PGAM5: variants seen among roughly 807,000 people sequenced by gnomAD.
The protein encoded by PGAM5 is PGAM family member 5, mitochondrial serine/threonine protein phosphatase.
In PGAM5, 25 loss-of-function variants were observed where a neutral mutation model predicts 30.6. The observed-to-expected ratio is 0.82, with a 90% CI of 0.60 to 1.14. The LOEUF (loss-of-function observed/expected upper bound fraction) is 1.14. Among genes scored for constraint, PGAM5 ranks in the 50% most tolerant of loss-of-function variants. The pLI, the probability that PGAM5 is intolerant of heterozygous loss-of-function variation, is 0.00. For synonymous variants in PGAM5, 201 were observed against 179.1 expected (o/e 1.12, Z -0.98); for missense variants, 384 against 408.5 (o/e 0.94, Z 0.52).
intron 5 of PGAM5, among the ~76,000 whole-genome samples, chr12:132,720,408 C>T (rs989292176): frequency 1.3e-5 from 2 of 151,842 alleles, no homozygotes; most frequent in Non-Finnish European, 2.9e-5. Flanking sequence ...CCCGGGTTCA[C>T]GCCATTCTTC....
intron 1 of PGAM5, 44 bp from the exon 2 acceptor site, chr12:132,714,814 T>C: frequency 6.3e-7 from 1 of 1,592,814 alleles, no homozygotes; most frequent in Non-Finnish European, 8.6e-7. Flanking sequence ...AACTCAAACT[T>C]GGGAACAGAG....
chr12:132,715,062 T>C, intron 2 of PGAM5, 26 bp downstream of exon 2: 1 of 1,568,586 alleles, frequency 6.4e-7, no homozygotes, highest in Non-Finnish European at 8.6e-7. Flanking sequence ...AGATCCTCTG[T>C]GGACCCTCGT....
Position 132,722,651 on chromosome 12 carries a change from A to T in PGAM5, c.*1823A>T, listed in dbSNP as rs1009628949. 1 of 152,228 alleles carries T rather than the reference A, an allele frequency of 6.6e-6. No individual in the cohort carries two copies. The highest frequency in any genetic ancestry group is 6.5e-5 in the Admixed American group (1 of 15,278). The allele number at this position is 152,228 out of a possible 1,614,324, so 9.4% of individuals were successfully genotyped here. A position where few individuals can be genotyped will look rare whatever the true frequency, so the allele number is the denominator to read the frequency against. On this transcript the variant is annotated 3_prime_UTR_variant, in exon 6 of 6. Coordinates refer to ENST00000498926, the MANE Select transcript of PGAM5 (RefSeq NM_001170543.2). ...GTGGTTGTGACTATTTTCTGTAGTC[A>T]ATACAGTTGGGATATCTGATCTATT...
At position 132,717,523 on chromosome 12, in the gene PGAM5, G is replaced by A. The variant is rs1290192734; in HGVS notation, c.455G>A (p.Arg152His). The A allele has an allele frequency of 2.5e-6, 4 of 1,610,732 alleles. No homozygotes were observed. The highest frequency in any genetic ancestry group is 1.3e-5 in the African/African-American group (1 of 74,882). The change falls in exon 3 of 6, where the codon CGC becomes CAC. Residue 152 changes from arginine to histidine, a missense_variant. Coordinates refer to ENST00000498926, the MANE Select transcript of PGAM5 (RefSeq NM_001170543.2). ...AAAATCGTCCATTCGTCTATGACGC[G>A]CGCCATAGAGACCACCGATATCATC... ...FNKIVHSSMT[R>H]AIETTDIISR...
At chr12:132,717,379 G>A in intron 2 of PGAM5, 60 bp from the exon 3 acceptor site, 2 of 1,559,568 alleles carry the variant, frequency 1.3e-6, no homozygotes, top group South Asian at 1.1e-5. Context: ...CGGAGGAGGG[G>A]GTGTTTGAGG....
At chr12:132,719,690 A>ACGT (rs1362941626) in intron 5 of PGAM5, among the ~76,000 whole-genome samples, 1 of 152,218 alleles carries the variant, frequency 6.6e-6, no homozygotes, top group African/African-American at 2.4e-5. Flanking sequence ...AGGGCCAGGC[A>ACGT]CGTGCACCTG....
At chr12:132,718,246 G>A (rs1302579220) in intron 5 of PGAM5, 126 bp downstream of exon 5, 13 of 1,066,734 alleles carry the variant, frequency 1.2e-5, no homozygotes, top group Admixed American at 9.8e-5. Context: ...ACCAGCCCCC[G>A]GGCGTCCACT....
intron 5 of PGAM5, among the ~76,000 whole-genome samples, chr12:132,720,395 C>A (rs867924471): frequency 4.2e-4 from 64 of 151,724 alleles, no homozygotes; most frequent in South Asian, 6.2e-4. Flanking sequence ...GCAAGCTCCG[C>A]CTCCCGGGTT....
chr12:132,720,145 C>T (rs1234356294), intron 5 of PGAM5, among the ~76,000 whole-genome samples: 4 of 45,802 alleles, frequency 8.7e-5, no homozygotes, highest in South Asian at 7.0e-4. Context: ...AGATCTTCCC[C>T]GAGAAGCCCC....
At chr12:132,716,284 A>G (rs1593118780) in intron 2 of PGAM5, among the ~76,000 whole-genome samples, 1 of 151,636 alleles carries the variant, frequency 6.6e-6, no homozygotes. Flanking sequence ...ACGGGGTTTC[A>G]CCGTGTTAGC....
chr12:132,720,922 G>T lies in PGAM5; in HGVS notation c.*94G>T. The T allele has an allele frequency of 1.4e-6, 2 of 1,390,332 alleles. No homozygotes were observed. Among genetic ancestry groups the T allele is most frequent in the Non-Finnish European group, 1.9e-6 (2 of 1,046,878 alleles). 86.1% of individuals were successfully genotyped at this position (1,390,332 alleles called of 1,614,324 possible). A position where few individuals can be genotyped will look rare whatever the true frequency, so the allele number is the denominator to read the frequency against. On this transcript the variant is annotated 3_prime_UTR_variant, in exon 6 of 6. Transcript: ENST00000498926. ...GGAGACCGGCGGAAAGTAGAAACCT[G>T]CAATGCTGCATCTGGGAACTGACTT...
At position 132,711,067 on chromosome 12, in the gene PGAM5, G is replaced by C; in HGVS notation, c.191G>C (p.Arg64Thr). The C allele has an allele frequency of 8.3e-7, 1 of 1,211,430 alleles. No individual in the cohort carries two copies. Among genetic ancestry groups the C allele is most frequent in the Non-Finnish European group, 1.0e-6 (1 of 974,406 alleles). The allele number at this position is 1,211,430 out of a possible 1,614,324, so 75.0% of individuals were successfully genotyped here. ...GGTGTCTGGGACCCCAACTGGGACA[G>C]GTGCGCGCGGGGCTGTTTGGGGCCG... is the stretch of plus-strand genomic sequence containing the variant. ...GPGVWDPNWDRREPLSLINVR... is the reference protein window; with the variant it reads ...GPGVWDPNWDTREPLSLINVR... The change falls in exon 1 of 6, where the codon AGG becomes ACG. Residue 64 changes from arginine (R) to threonine (T), a missense_variant and splice_region_variant. By Grantham distance (71) the Arg-to-Thr change is moderately conservative. Coordinates refer to ENST00000498926, the MANE Select transcript of PGAM5 (RefSeq NM_001170543.2).
rs562420845 is a variant in PGAM5 at position 132,716,377 on chromosome 12, A to G, written c.371-1062A>G. ...TGGGATTACAGGCGTGAGCCACCAC[A>G]CCCAGCCTAATTTTTTTTTTTTTTT... On this transcript the variant is annotated intron_variant, in intron 2 of 5. Coordinates refer to ENST00000498926, the MANE Select transcript of PGAM5 (RefSeq NM_001170543.2). Among the ~76,000 whole-genome samples the G allele has an allele frequency of 4.8e-3, 708 of 147,728 alleles. 5 individuals carry two copies. Among genetic ancestry groups the G allele is most frequent in the African/African-American group, 0.016 (649 of 40,198 alleles).
At chr12:132,714,822 G>C in intron 1 of PGAM5, 36 bp from the exon 2 acceptor site, 1 of 1,598,160 alleles carries the variant, frequency 6.3e-7, no homozygotes, top group Non-Finnish European at 8.6e-7. Context: ...CTTGGGAACA[G>C]AGGTCTCAAG....
intron 5 of PGAM5, chr12:132,719,264 G>T: frequency 9.1e-7 from 1 of 1,097,254 alleles, no homozygotes; most frequent in Non-Finnish European, 1.1e-6. Flanking sequence ...GGGAGGACAG[G>T]ACGGCACTGG....
rs11548878 is a variant in PGAM5, at chr12:132,718,058, G to C, written c.657G>C (p.Gln219His). The part of the protein sequence containing the change: ...RNYIHRADAR[Q>H]EEDSYEIFIC... ...ACATCCACCGCGCAGATGCCAGGCA[G>C]GAGGAGGACAGTTACGAGATCTTCA... is the stretch of plus-strand genomic sequence containing the variant. Residue 219 changes from glutamine to histidine, a missense_variant, in exon 5 of 6, where the codon CAG becomes CAC. By Grantham distance (24) the Gln-to-His change is conservative. Transcript: ENST00000498926. 1 of 1,612,884 alleles carries C rather than the reference G, an allele frequency of 6.2e-7. No homozygotes were observed. Among genetic ancestry groups the C allele is most frequent in the South Asian group, 1.1e-5 (1 of 91,088 alleles).
At chr12:132,714,666 G>C in intron 1 of PGAM5, 192 bp from the exon 2 acceptor site, 1 of 611,592 alleles carries the variant, frequency 1.6e-6, no homozygotes, top group Admixed American at 3.0e-5. Flanking sequence ...ACTCAGAACA[G>C]ACCTGGCACT....
chr12:132,717,425 C>G lies in PGAM5; in HGVS notation c.371-14C>G. The stretch of plus-strand genomic sequence containing the variant: ...GGGTGCAGGTGCGGCACTCAGGTGC[C>G]TTTCACCTTCCAGGTCGGGAGCAGG... On this transcript the variant is annotated splice_polypyrimidine_tract_variant and intron_variant, in intron 2 of 5. Transcript: ENST00000498926. The G allele has an allele frequency of 6.3e-7, 1 of 1,596,078 alleles. No individual in the cohort carries two copies. The highest frequency in any genetic ancestry group is 8.5e-7 in the Non-Finnish European group (1 of 1,177,684).
At chr12:132,717,336 GT>G in intron 2 of PGAM5, 102 bp from the exon 3 acceptor site, 25 of 1,317,792 alleles carry the variant, frequency 1.9e-5, no homozygotes, top group South Asian at 5.6e-5. Context: ...GGAGGAGGGG[GT>G]GTTTGAGGGT....
Sources: gnomAD v4.1 joint callset for allele counts (sites outside exome capture counted in the v4.1 genomes callset) on GRCh38, gnomAD v4.1.1 for gene constraint, MANE v1.5 for transcripts, NCBI Gene and HGNC (gene_info 2026-07-23, HGNC 2026-07-21) for gene names.